Variants in DAAM2 observed in about 807,000 individuals in gnomAD.
DAAM2 encodes the protein dishevelled associated activator of morphogenesis 2, also known as disheveled-associated activator of morphogenesis 2.
A neutral mutation model predicts 120.7 loss-of-function variants in DAAM2; 39 were observed. The observed-to-expected ratio is 0.32, with a 90% CI of 0.25 to 0.42. The LOEUF is 0.42. DAAM2 is among the 10% of genes least tolerant of loss of function. The pLI, the probability that DAAM2 is intolerant of heterozygous loss-of-function variation, is 1.00. For synonymous variants in DAAM2, 488 were observed against 524.9 expected, an observed-to-expected ratio of 0.93 and a Z score of 0.96; for missense variants, 1,283 against 1,401.7, an observed-to-expected ratio of 0.92 and a Z score of 1.35.
At chr6:39,889,028 T>G (rs1765537588) in intron 17 of DAAM2, 1 of 257,522 alleles carries the variant, frequency 3.9e-6, no homozygotes, top group African/African-American at 2.2e-5. Context: ...ATCTCTTCCC[T>G]CTCAGTTTTT....
In DAAM2 at chr6:39,878,178, G is replaced by A. The variant is rs1582721237; in HGVS notation, c.1302-25G>A. ...TGAATCAATGGTCAACAATCACATTGCCCCTTCCCTCTATGCCCTGCCAGG... is the reference window on the plus strand; with the variant it reads ...TGAATCAATGGTCAACAATCACATTACCCCTTCCCTCTATGCCCTGCCAGG... On this transcript the variant is annotated intron_variant, in intron 11 of 24. Coordinates refer to ENST00000274867, the MANE Select transcript of DAAM2 (RefSeq NM_001201427.2). The surrounding 1 kb of genome is among the most constrained non-coding windows in gnomAD (Gnocchi z 5.0). 1 of 1,612,742 alleles carries A rather than the reference G, an allele frequency of 6.2e-7. No homozygotes were observed. Among genetic ancestry groups the A allele is most frequent in the East Asian group, 2.2e-5 (1 of 44,864 alleles).
At chr6:39,864,589 C>T in intron 4 of DAAM2, 82 bp downstream of exon 4, 2 of 1,088,922 alleles carry the variant, frequency 1.8e-6, no homozygotes, top group Non-Finnish European at 1.3e-6. Context: ...CCACCCCCCA[C>T]ACACCAAACT....
intron 1 of DAAM2, among the ~76,000 whole-genome samples, chr6:39,809,135 T>TGTGAGAGCAAGGAGTGGTGTC (rs1431176267): frequency 1.3e-5 from 2 of 152,110 alleles, no homozygotes; most frequent in African/African-American, 4.8e-5. Context: ...CACCTGAAGA[T>TGTGAGAGCAAGGAGTGGTGTC]GTGAGAGCAA....
At chr6:39,866,193 A>C (rs1764423281) in intron 5 of DAAM2, among the ~76,000 whole-genome samples, 1 of 152,160 alleles carries the variant, frequency 6.6e-6, no homozygotes, top group South Asian at 2.1e-4. Flanking sequence ...TGGGAAGGGG[A>C]TAGAGGAAAG....
chr6:39,878,183 T>A lies in DAAM2; in HGVS notation c.1302-20T>A. 1 of 1,613,506 alleles carries A rather than the reference T, an allele frequency of 6.2e-7. No individual in the cohort carries two copies. Among genetic ancestry groups the A allele is most frequent in the African/African-American group, 1.3e-5 (1 of 75,022 alleles). On this transcript the variant is annotated intron_variant, in intron 11 of 24. Transcript: ENST00000274867. The surrounding 1 kb of genome is among the most constrained non-coding windows in gnomAD (Gnocchi z 5.0). Reference sequence around the variant, plus strand: ...CAATGGTCAACAATCACATTGCCCCTTCCCTCTATGCCCTGCCAGGCTCAT... The same window carrying A: ...CAATGGTCAACAATCACATTGCCCCATCCCTCTATGCCCTGCCAGGCTCAT...
chr6:39,880,016 C>T (rs1237460188), intron 14 of DAAM2: 1 of 186,666 alleles, frequency 5.4e-6, no homozygotes, highest in Non-Finnish European at 1.1e-5. Flanking sequence ...CCCAGAACCA[C>T]AGGTAGGGCT....
chr6:39,887,954 G>C (rs1765476423), intron 16 of DAAM2: 1 of 217,450 alleles, frequency 4.6e-6, no homozygotes, highest in African/African-American at 2.3e-5. Flanking sequence ...CTTCTGTACG[G>C]GGGGGCCTCC....
chr6:39,888,912 C>T (rs931186294), intron 17 of DAAM2, 149 bp downstream of exon 17: 6 of 488,318 alleles, frequency 1.2e-5, no homozygotes, highest in South Asian at 5.0e-5. Flanking sequence ...CTCCCTGGGC[C>T]AGCCTTTCTT....
In DAAM2 at chr6:39,903,979, G is replaced by A. The variant is rs1766635521; in HGVS notation, c.*1942G>A. On this transcript the variant is annotated 3_prime_UTR_variant, in exon 25 of 25. Coordinates refer to ENST00000274867, the MANE Select transcript of DAAM2 (RefSeq NM_001201427.2). The stretch of plus-strand genomic sequence containing the variant: ...GCAGCCCCAAGAGCTCCCACTGCAA[G>A]ACAAGTGTTGGGGAAGATGGGAGGT... 1 of 351,570 alleles carries A rather than the reference G, an allele frequency of 2.8e-6. No individual in the cohort carries two copies. Among genetic ancestry groups the A allele is most frequent in the African/African-American group, 2.1e-5 (1 of 46,658 alleles). The allele number at this position is 351,570 out of a possible 1,614,324, so 21.8% of individuals were successfully genotyped here. A position where few individuals can be genotyped will look rare whatever the true frequency, so the allele number is the denominator to read the frequency against.
chr6:39,823,834 C>A (rs1762572847), intron 1 of DAAM2, among the ~76,000 whole-genome samples: 1 of 152,186 alleles, frequency 6.6e-6, no homozygotes, highest in African/African-American at 2.4e-5. Context: ...GTCTTGGAGG[C>A]TGGAGGCAGG....
chr6:39,902,064 C>CGGGAGACAGGGACTGGTGA lies in DAAM2; in HGVS notation c.*29_*47dup. On this transcript the variant is annotated 3_prime_UTR_variant, in exon 25 of 25. Transcript: ENST00000274867. ...CTGGGGAACTAGCCACACAGGAGGC[C>CGGGAGACAGGGACTGGTGA]GGGAGACAGGGACTGGTGAGAATGG... 1 of 1,563,816 alleles carries CGGGAGACAGGGACTGGTGA rather than the reference C, an allele frequency of 6.4e-7. No homozygotes were observed. The highest frequency in any genetic ancestry group is 8.7e-7 in the Non-Finnish European group (1 of 1,145,530).
chr6:39,809,532 C>T (rs775233928), intron 1 of DAAM2, among the ~76,000 whole-genome samples: 23 of 152,134 alleles, frequency 1.5e-4, no homozygotes, highest in Non-Finnish European at 2.9e-4. Flanking sequence ...TGATGGAACA[C>T]TAAGTTCTCA....
rs1765256854 is a variant in DAAM2, at chr6:39,884,001, A to T, written c.1885A>T (p.Met629Leu). Residue 629 changes from methionine (M) to leucine (L), a missense_variant, in exon 15 of 25, where the codon ATG becomes TTG. Met to Leu is a conservative substitution (Grantham distance 15). Around this residue, in one of 3 missense-constraint regions of DAAM2, gnomAD observed 748 missense variants for 768.6 expected, o/e 0.97. Coordinates refer to ENST00000274867, the MANE Select transcript of DAAM2 (RefSeq NM_001201427.2). ...PGTVWNEIDD[M>L]QVFRILDLED... ...CACCGTATGGAATGAGATTGATGAC[A>T]TGCAGGTATTTCGGATCCTGGACCT... 6.2e-7 allele frequency: 1 copy of T among 1,613,560 alleles called. No individual in the cohort carries two copies. Among genetic ancestry groups the T allele is most frequent in the African/African-American group, 1.3e-5 (1 of 74,916 alleles).
intron 2 of DAAM2, 94 bp from the exon 3 acceptor site, chr6:39,860,834 C>T (rs1357149721): frequency 1.0e-6 from 1 of 978,852 alleles, no homozygotes; most frequent in Non-Finnish European, 1.6e-6. Flanking sequence ...GCCTGAGGAA[C>T]TGATTTGGGG....
intron 1 of DAAM2, among the ~76,000 whole-genome samples, chr6:39,802,901 G>A (rs1761908948): frequency 6.6e-6 from 1 of 152,014 alleles, no homozygotes; most frequent in Non-Finnish European, 1.5e-5. Flanking sequence ...CCATGATCCT[G>A]ACTTCTAGCA....
intron 2 of DAAM2, among the ~76,000 whole-genome samples, chr6:39,859,689 T>C (rs1764136388): frequency 6.6e-6 from 1 of 152,256 alleles, no homozygotes; most frequent in South Asian, 2.1e-4. Flanking sequence ...TAAATGATTA[T>C]ATTTTAGATT....
At position 39,879,083 on chromosome 6, in the gene DAAM2, T is replaced by C. The variant is rs113161250; in HGVS notation, c.1546-95T>C. ...TAAGGGTAGGATTTGGGGCCTAGTA[T>C]AGAAAGAAACTAGAAGGAGAGGAAT... On this transcript the variant is annotated intron_variant, in intron 13 of 24. Coordinates refer to ENST00000274867, the MANE Select transcript of DAAM2 (RefSeq NM_001201427.2). The C allele has an allele frequency of 9.9e-3, 8,076 of 817,126 alleles. 77 individuals carry two copies. Among genetic ancestry groups the C allele is most frequent in the Middle Eastern group, 0.039 (170 of 4,344 alleles). The allele number at this position is 817,126 out of a possible 1,614,324, so 50.6% of individuals were successfully genotyped here.
chr6:39,887,788 G>A (rs1765466992), intron 16 of DAAM2, 196 bp downstream of exon 16: 2 of 539,262 alleles, frequency 3.7e-6, no homozygotes, highest in Non-Finnish European at 6.7e-6. Flanking sequence ...CCAGTCACGA[G>A]GCCCTTGCCC....
In DAAM2 at chr6:39,890,821, G is replaced by A. The variant is rs967885832; in HGVS notation, c.2146-520G>A. On this transcript the variant is annotated intron_variant, in intron 17 of 24. Coordinates refer to ENST00000274867, the MANE Select transcript of DAAM2 (RefSeq NM_001201427.2). ...AGTGTACTTTAGGCTAGACGTGGTG[G>A]CTCCCACCTATAATCTCAGCACTTT... Among the ~76,000 whole-genome samples, 12 of 152,274 alleles carry A rather than the reference G, an allele frequency of 7.9e-5. No homozygotes were observed. The East Asian group carries it at 2.3e-3, about 29-fold the overall frequency.
Sources: gnomAD v4.1 joint callset for allele counts (sites outside exome capture counted in the v4.1 genomes callset) on GRCh38, gnomAD v4.1.1 for gene constraint, gnomAD v4.1.1 regional missense constraint, Gnocchi (gnomAD v3.1) non-coding constraint, MANE v1.5 for transcripts, NCBI Gene and HGNC (gene_info 2026-07-23, HGNC 2026-07-21) for gene names.